FAM3A: variants seen among roughly 807,000 people sequenced by gnomAD.
FAM3A encodes FAM3 metabolism regulating signaling molecule A.
FAM3A carries 5 observed loss-of-function variants against 18.1 expected under a neutral mutation model. The observed-to-expected ratio is 0.28, with a 90% CI of 0.14 to 0.58. The LOEUF (loss-of-function observed/expected upper bound fraction) is 0.58. Ranked by LOEUF, FAM3A falls within the 20% of genes least tolerant of loss-of-function variation. The pLI is 0.91. For synonymous variants in FAM3A, 108 were observed against 90.2 expected (o/e 1.20, Z -1.12); for missense variants, 154 against 216.6 (o/e 0.71, Z 1.81).
intron 3 of FAM3A, chrX:154,510,400 C>G (rs1208069854): frequency 2.7e-5 from 3 of 109,657 alleles, no homozygotes; most frequent in Non-Finnish European, 3.8e-5. Context: ...GTGGCACATG[C>G]CTGTAGTCGC....
Sources: gnomAD v4.1 joint callset for allele counts on GRCh38, gnomAD v4.1.1 for gene constraint, MANE v1.5 for transcripts, NCBI Gene and HGNC (gene_info 2026-07-23, HGNC 2026-07-21) for gene names.